Variants in FRY observed in about 807,000 individuals in gnomAD.
FRY encodes protein furry homolog.
Under a neutral mutation model 348.4 loss-of-function variants are expected in FRY, and 128 were observed. The ratio of observed to expected loss-of-function variants is 0.37; its 90% CI spans 0.32 to 0.43. The LOEUF (loss-of-function observed/expected upper bound fraction) is 0.43. Among genes scored for constraint, FRY ranks in the 20% least tolerant of loss-of-function variants. The pLI is 1.00. For synonymous variants in FRY, 1,370 were observed against 1,374.7 expected (o/e 1.00, Z 0.08); for missense variants, 2,736 against 3,695.2 (o/e 0.74, Z 6.73).
At chr13:32,153,162 A>G (rs1214064429) in intron 14 of FRY, among the ~76,000 whole-genome samples, 2 of 152,214 alleles carry the variant, frequency 1.3e-5, no homozygotes, top group Non-Finnish European at 2.9e-5. Flanking sequence ...GATTAAACGT[A>G]TACTTAACCA....
In FRY at chr13:32,105,153, T is replaced by A. The variant is rs138826087; in HGVS notation, c.324+3137T>A. 2.2e-3 allele frequency among the ~76,000 whole-genome samples: 342 copies of A among 152,328 alleles called. 1 individual carries two copies. The highest frequency in any genetic ancestry group is 8.0e-3 in the African/African-American group (333 of 41,576). On this transcript the variant is annotated intron_variant, in intron 3 of 60. Transcript: ENST00000542859. ...GTACCCTCCAAAATTCAGCTGCTGT[T>A]AATGTGATAGTATCAAGAGGTAGGG... is the stretch of plus-strand genomic sequence containing the variant.
At chr13:32,231,411 G>A in intron 41 of FRY, 111 bp downstream of exon 41, 1 of 1,036,674 alleles carries the variant, frequency 9.6e-7, no homozygotes, top group Non-Finnish European at 1.5e-6. Context: ...CACATCCATA[G>A]CACGAGCATA....
chr13:32,070,985 T>C, intron 1 of FRY, among the ~76,000 whole-genome samples: 1 of 152,242 alleles, frequency 6.6e-6, no homozygotes. Flanking sequence ...TCCCCATTTC[T>C]TGTTTTTGTC....
At chr13:32,155,418 GA>G in intron 14 of FRY, 72 bp from the exon 15 acceptor site, 2 of 1,097,398 alleles carry the variant, frequency 1.8e-6, no homozygotes, top group East Asian at 2.4e-5. Context: ...TTAACTATCT[GA>G]AAGACTTATG....
At chr13:32,078,074 G>A (rs1046356433) in intron 1 of FRY, among the ~76,000 whole-genome samples, 1 of 152,180 alleles carries the variant, frequency 6.6e-6, no homozygotes, top group African/African-American at 2.4e-5. Context: ...AAAAAGTTTA[G>A]CAACTATCTA....
intron 1 of FRY, among the ~76,000 whole-genome samples, chr13:32,067,040 G>T (rs1191600545): frequency 6.6e-6 from 1 of 152,212 alleles, no homozygotes. Flanking sequence ...AGATAGTCTT[G>T]TTTTTGAGGA....
intron 23 of FRY, 81 bp from the exon 24 acceptor site, chr13:32,182,896 G>A (rs1882798028): frequency 1.2e-6 from 1 of 852,774 alleles, no homozygotes; most frequent in East Asian, 2.4e-5. Flanking sequence ...AGTGATTTGG[G>A]ATTAAATGGA....
chr13:32,103,961 G>A (rs929113010), intron 3 of FRY, among the ~76,000 whole-genome samples: 9 of 146,750 alleles, frequency 6.1e-5, no homozygotes, highest in South Asian at 2.1e-4. Flanking sequence ...ACCGCATCTC[G>A]AAAAAAAAAA....
intron 1 of FRY, among the ~76,000 whole-genome samples, chr13:32,046,882 T>G (rs748003611): frequency 3.7e-4 from 57 of 152,360 alleles, no homozygotes; most frequent in Non-Finnish European, 6.6e-4. Flanking sequence ...CTCATTTGAT[T>G]TACTTTTGAC....
At chr13:32,111,778 G>C (rs975675380) in intron 3 of FRY, among the ~76,000 whole-genome samples, 6 of 152,170 alleles carry the variant, frequency 3.9e-5, no homozygotes, top group African/African-American at 1.4e-4. Context: ...TCTCAGAGTG[G>C]TTGAGGATCC....
At chr13:32,171,301 ATTCTT>A in intron 18 of FRY, 31 bp downstream of exon 18, 103 of 662,852 alleles carry the variant, frequency 1.6e-4, no homozygotes, top group Non-Finnish European at 2.1e-4. Context: ...ATGAATTTAT[ATTCTT>A]TTTTTTTTTT....
chr13:32,268,499 AAAAAAAATATATATATATATATAT>A lies in FRY; in HGVS notation c.8136+1142_8136+1165del, dbSNP rs975633287. 3.1e-4 allele frequency among the ~76,000 whole-genome samples: 5 copies of A among 16,002 alleles called. No homozygotes were observed. In the South Asian group the frequency reaches 0.012, roughly 38 times the overall value. 10.5% of individuals were successfully genotyped at this position (16,002 alleles called of 152,430 possible). On this transcript the variant is annotated intron_variant, in intron 55 of 60. Transcript: ENST00000542859. ...AGAAAGCTAGTTTAAAAAAAAAAAA[AAAAAAAATATATATATATATATAT>A]ATATATATATATATATCTAGATTAG...
intron 51 of FRY, chr13:32,257,907 T>C: frequency 6.8e-7 from 1 of 1,474,754 alleles, no homozygotes; most frequent in Non-Finnish European, 9.5e-7. Flanking sequence ...ATCTTTAATA[T>C]AATCATTGTA....
At chr13:32,116,761 G>A (rs1878326001) in intron 3 of FRY, among the ~76,000 whole-genome samples, 1 of 152,034 alleles carries the variant, frequency 6.6e-6, no homozygotes, top group African/African-American at 2.4e-5. Context: ...GTTCTTTAAA[G>A]AAAAAGGGAG....
chr13:32,275,081 T>G, intron 56 of FRY, 90 bp downstream of exon 56: 1 of 1,228,938 alleles, frequency 8.1e-7, no homozygotes, highest in African/African-American at 1.5e-5. Flanking sequence ...TGTGGTTTGT[T>G]TTAAAGATAC....
At chr13:32,233,361 T>TAACA (rs552443656) in intron 41 of FRY, among the ~76,000 whole-genome samples, 56 of 152,328 alleles carry the variant, frequency 3.7e-4, no homozygotes, top group South Asian at 2.9e-3. Flanking sequence ...CCTACCCTTG[T>TAACA]AGTCTGCTTT....
chr13:32,128,444 T>C (rs114834355), intron 7 of FRY, among the ~76,000 whole-genome samples: 1 of 152,156 alleles, frequency 6.6e-6, no homozygotes, highest in Non-Finnish European at 1.5e-5. Context: ...CCCCGGTAAA[T>C]TATTACTATT....
intron 2 of FRY, among the ~76,000 whole-genome samples, chr13:32,089,131 C>T (rs73167113): frequency 0.067 from 10,223 of 152,204 alleles, 538 homozygotes; most frequent in African/African-American, 0.15. Flanking sequence ...ATCATCAGTA[C>T]AGTTTTCAGC....
In FRY at chr13:32,237,410, A is replaced by G; in HGVS notation, c.5842A>G (p.Lys1948Glu). The G allele has an allele frequency of 6.2e-7, 1 of 1,614,022 alleles. No individual in the cohort carries two copies. The highest frequency in any genetic ancestry group is 8.5e-7 in the Non-Finnish European group (1 of 1,179,982). The change falls in exon 44 of 61, where the codon AAA becomes GAA. Residue 1948 changes from lysine to glutamate, a missense_variant. Physicochemically the swap from Lys to Glu is moderately conservative, Grantham distance 56 (BLOSUM62 1). Transcript: ENST00000542859. The surrounding 1 kb of genome is among the most constrained non-coding windows in gnomAD (Gnocchi z 6.3). ...CTCACCAGATTTAAGCTCCAGCAGT[A>G]AACTAACAGCAAGCAGAAAGAGCAC... Reference protein sequence around the residue: ...SSSPDLSSSSKLTASRKSTGQ... With the variant: ...SSSPDLSSSSELTASRKSTGQ...
Sources: allele counts gnomAD v4.1 joint callset (sites outside exome capture counted in the v4.1 genomes callset), GRCh38; gene constraint gnomAD v4.1.1; non-coding constraint Gnocchi (gnomAD v3.1); transcripts MANE v1.5; gene names NCBI Gene and HGNC (gene_info 2026-07-23, HGNC 2026-07-21).